The following OSGIN1 variants were observed in gnomAD, a reference collection of about 807,000 sequenced individuals.
OSGIN1 encodes oxidative stress-induced growth inhibitor 1.
A neutral mutation model predicts 20.1 loss-of-function variants in OSGIN1; 19 were observed. The ratio of observed to expected loss-of-function variants is 0.95; its 90% CI spans 0.66 to 1.39. OSGIN1 has a LOEUF of 1.39. OSGIN1 is among the 40% of genes most tolerant of loss of function. OSGIN1 has a pLI of 0.00. For missense variants in OSGIN1, 820 were observed against 653.0 expected, an observed-to-expected ratio of 1.26 and a Z score of -2.79; for synonymous variants, 368 against 297.8, an observed-to-expected ratio of 1.24 and a Z score of -2.43.
chr16:83,956,124 G>C lies in OSGIN1; in HGVS notation c.-32-1516G>C, dbSNP rs542400042. ...CTTAGATGCAACCTCCTTGCAAACT[G>C]TAGAGTGCTCTGAGAAGGTCAGTTG... is the stretch of plus-strand genomic sequence containing the variant. On this transcript the variant is annotated intron_variant, in intron 1 of 5. Transcript: ENST00000393306. Among the ~76,000 whole-genome samples, 3 of 152,330 alleles carry C rather than the reference G, an allele frequency of 2.0e-5. No homozygotes were observed. In the South Asian group the frequency reaches 6.2e-4, roughly 32 times the overall value.
rs141102431 is a variant in OSGIN1, at chr16:83,965,451, C to A, written c.878C>A (p.Ala293Glu). 6.3e-7 allele frequency: 1 copy of A among 1,597,700 alleles called. No individual in the cohort carries two copies. Among genetic ancestry groups the A allele is most frequent in the Non-Finnish European group, 8.5e-7 (1 of 1,176,136 alleles). ...PASDPVLIIG[A>E]GLSAADAVLY... ...TCAGACCCTGTCCTCATCATTGGCG[C>A]GGGGCTGTCAGCGGCCGACGCGGTC... is the stretch of plus-strand genomic sequence containing the variant. Residue 293 changes from alanine to glutamate, a missense_variant, in exon 6 of 6, where the codon GCG becomes GAG. Transcript: ENST00000393306.
At position 83,960,553 on chromosome 16, in the gene OSGIN1, C is replaced by T. The variant is rs982753560; in HGVS notation, c.205-16C>T. ...GCCCTCCTCCAGCAGCCCCTCTGAC[C>T]TATGCCCCCCTCCAGGACCTGGACT... On this transcript the variant is annotated splice_polypyrimidine_tract_variant and intron_variant, in intron 3 of 5. Transcript: ENST00000393306. The T allele has an allele frequency of 3.7e-6, 6 of 1,609,698 alleles. No homozygotes were observed. In the African/African-American group the frequency reaches 6.7e-5, roughly 18 times the overall value.
intron 2 of OSGIN1, 96 bp downstream of exon 2, chr16:83,957,834 T>G (rs1909012440): frequency 2.2e-6 from 1 of 451,152 alleles, no homozygotes; most frequent in South Asian, 7.0e-5. Context: ...AGGCCTGGTG[T>G]CTTTTTTCGT....
intron 5 of OSGIN1, 65 bp from the exon 6 acceptor site, chr16:83,964,997 C>CT: frequency 6.9e-5 from 58 of 835,674 alleles, no homozygotes; most frequent in East Asian, 2.6e-4. Context: ...GGACATCTCC[C>CT]GTCCCACCCA....
intron 2 of OSGIN1, among the ~76,000 whole-genome samples, chr16:83,958,604 G>C (rs1298147587): frequency 6.6e-6 from 1 of 152,232 alleles, no homozygotes; most frequent in Non-Finnish European, 1.5e-5. Context: ...TTCCGAATCA[G>C]ACGAGATAAG....
chr16:83,963,242 G>A (rs1198723561), intron 5 of OSGIN1, among the ~76,000 whole-genome samples: 1 of 152,174 alleles, frequency 6.6e-6, no homozygotes, highest in Non-Finnish European at 1.5e-5. Flanking sequence ...CTTACATTTC[G>A]CTTGTAAGCA....
At chr16:83,963,669 C>T (rs913588328) in intron 5 of OSGIN1, among the ~76,000 whole-genome samples, 1 of 152,122 alleles carries the variant, frequency 6.6e-6, no homozygotes, top group African/African-American at 2.4e-5. Context: ...GCTGGGTTGA[C>T]TGGCACGGCC....
chr16:83,957,303 C>A (rs1187552783), intron 1 of OSGIN1, among the ~76,000 whole-genome samples: 3 of 152,126 alleles, frequency 2.0e-5, no homozygotes, highest in Non-Finnish European at 4.4e-5. Context: ...CAGGAATGGC[C>A]TCTCGGGAAG....
At position 83,965,570 on chromosome 16, in the gene OSGIN1, C is replaced by A. The variant is rs149593532; in HGVS notation, c.997C>A (p.Leu333Met). 6.2e-7 allele frequency: 1 copy of A among 1,612,854 alleles called. No individual in the cohort carries two copies. The highest frequency in any genetic ancestry group is 1.3e-5 in the African/African-American group (1 of 74,948). The change falls in exon 6 of 6, where the codon CTG (leucine) becomes ATG (methionine). Residue 333 changes from leucine to methionine, a missense_variant. By Grantham distance (15) the Leu-to-Met change is conservative. Transcript: ENST00000393306. Reference protein sequence around the residue: ...GLVFNQLPKMLYPEYHKVHQM... With the variant: ...GLVFNQLPKMMYPEYHKVHQM... The stretch of plus-strand genomic sequence containing the variant: ...GGTGTTCAACCAGCTGCCCAAGATG[C>A]TGTACCCCGAGTACCACAAGGTGCA...
chr16:83,961,495 G>C lies in OSGIN1; in HGVS notation c.488+423G>C, dbSNP rs568291912. Among the ~76,000 whole-genome samples the C allele has an allele frequency of 6.6e-5, 10 of 152,290 alleles. No individual in the cohort carries two copies. The East Asian group carries it at 1.9e-3, about 29-fold the overall frequency. On this transcript the variant is annotated intron_variant, in intron 5 of 5. Transcript: ENST00000393306. ...GTGACTTGGAATGGAATGGGAGGCA[G>C]GGTGGCCCTCAGCAGTTCTCAGCTT...
chr16:83,962,839 C>T lies in OSGIN1; in HGVS notation c.488+1767C>T, dbSNP rs372732463. Among the ~76,000 whole-genome samples the T allele has an allele frequency of 4.6e-5, 7 of 152,306 alleles. No homozygotes were observed. The South Asian group carries it at 1.5e-3, about 32-fold the overall frequency. On this transcript the variant is annotated intron_variant, in intron 5 of 5. Coordinates refer to ENST00000393306, the MANE Select transcript of OSGIN1 (RefSeq NM_182981.3). ...TCAGGTGTGCATTTATCTCAGTGGG[C>T]AGAGGGAAGACTTTGAGTAGGACGG...
chr16:83,963,576 C>T (rs901180709), intron 5 of OSGIN1, among the ~76,000 whole-genome samples: 1 of 152,144 alleles, frequency 6.6e-6, no homozygotes, highest in African/African-American at 2.4e-5. Context: ...GCTCTTGGGA[C>T]CGTTCTGTGT....
intron 5 of OSGIN1, 61 bp from the exon 6 acceptor site, chr16:83,965,001 C>A (rs1251195119): frequency 1.5e-5 from 13 of 890,802 alleles, no homozygotes; most frequent in Non-Finnish European, 1.9e-5. Context: ...ATCTCCCGTC[C>A]CACCCAGCCC....
chr16:83,960,743 C>G lies in OSGIN1; in HGVS notation c.379C>G (p.Pro127Ala). The G allele has an allele frequency of 6.2e-7, 1 of 1,613,200 alleles. No individual in the cohort carries two copies. The highest frequency in any genetic ancestry group is 1.1e-5 in the South Asian group (1 of 91,068). The change falls in exon 4 of 6, where the codon CCC (proline) becomes GCC (alanine). Residue 127 changes from proline to alanine, a missense_variant. By Grantham distance (27) the Pro-to-Ala change is conservative (BLOSUM62 -1). Coordinates refer to ENST00000393306, the MANE Select transcript of OSGIN1 (RefSeq NM_182981.3). ...IPHVVLGRNL[P>A]GGAWHSIEGS... ...CCACGTGGTTCTGGGCCGGAACCTC[C>G]CCGGGGGAGCCTGGCACGTGAGTGG...
At chr16:83,954,710 A>G (rs1488183300) in intron 1 of OSGIN1, 5 of 972,818 alleles carry the variant, frequency 5.1e-6, no homozygotes, top group Non-Finnish European at 6.1e-6. Context: ...GAGCCTGAGG[A>G]CAGTCCCAGG....
chr16:83,960,873 C>G (rs767821147), intron 4 of OSGIN1, 108 bp from the exon 5 acceptor site: 16 of 1,480,702 alleles, frequency 1.1e-5, no homozygotes, highest in African/African-American at 2.8e-5. Flanking sequence ...GCAACCCTGC[C>G]TCTCCCTCCT....
At chr16:83,963,646 G>A (rs1176515858) in intron 5 of OSGIN1, among the ~76,000 whole-genome samples, 1 of 152,166 alleles carries the variant, frequency 6.6e-6, no homozygotes, top group African/African-American at 2.4e-5. Flanking sequence ...TTCCAGGGTC[G>A]CAGACGGGCT....
Position 83,955,327 on chromosome 16 carries a change from G to A in OSGIN1, c.-33+1957G>A, listed in dbSNP as rs1194222324. Among the ~76,000 whole-genome samples, 3 of 152,184 alleles carry A rather than the reference G, an allele frequency of 2.0e-5. No homozygotes were observed. The East Asian group carries it at 5.8e-4, about 29-fold the overall frequency. On this transcript the variant is annotated intron_variant, in intron 1 of 5. Coordinates refer to ENST00000393306, the MANE Select transcript of OSGIN1 (RefSeq NM_182981.3). ...TCCCAGCCAGAACACCAGGTCCTCA[G>A]CTGTCCCTCTGCCTCCCCGCCTGCC...
chr16:83,958,670 A>G lies in OSGIN1; in HGVS notation c.68-590A>G, dbSNP rs76200006. On this transcript the variant is annotated intron_variant, in intron 2 of 5. Coordinates refer to ENST00000393306, the MANE Select transcript of OSGIN1 (RefSeq NM_182981.3). ...CGCTATCACAGGGCTGTGCCTGGTG[A>G]ATCGCCCAGGAAGCGCCACAGATGG... Among the ~76,000 whole-genome samples the G allele has an allele frequency of 3.0e-3, 458 of 152,346 alleles. 1 individual carries two copies. Among genetic ancestry groups the G allele is most frequent in the African/African-American group, 0.01 (429 of 41,578 alleles).
Sources: gnomAD v4.1 joint callset for allele counts (sites outside exome capture counted in the v4.1 genomes callset) on GRCh38, gnomAD v4.1.1 for gene constraint, MANE v1.5 for transcripts, NCBI Gene and HGNC (gene_info 2026-07-23, HGNC 2026-07-21) for gene names.